The following SKAP2 variants were observed in gnomAD, a reference collection of about 807,000 sequenced individuals.
The protein encoded by SKAP2 is src kinase associated phosphoprotein 2.
In SKAP2, 28 loss-of-function variants were observed where a neutral mutation model predicts 54.9. The observed-to-expected ratio is 0.51, with a 90% CI of 0.38 to 0.70. SKAP2 has a LOEUF of 0.70. Ranked by LOEUF, SKAP2 falls within the 30% of genes least tolerant of loss-of-function variation. The pLI, the probability that SKAP2 is intolerant of heterozygous loss-of-function variation, is 0.00. For synonymous variants in SKAP2, 137 were observed against 134.3 expected (o/e 1.02, Z -0.14); for missense variants, 356 against 424.1 (o/e 0.84, Z 1.41).
At chr7:26,662,932 A>C (rs966758549), downstream of SKAP2, among the ~76,000 whole-genome samples, 2 of 152,054 alleles carry the variant, frequency 1.3e-5, no homozygotes, top group African/African-American at 4.8e-5. Context: ...GAGGAGGAGG[A>C]AAGTGGCGCA....
intron 10 of SKAP2, among the ~76,000 whole-genome samples, chr7:26,687,895 T>C (rs1158121986): frequency 6.6e-6 from 1 of 152,050 alleles, no homozygotes; most frequent in East Asian, 1.9e-4. Flanking sequence ...GGATTAATTT[T>C]CCTATTCTAT....
rs60264987 is a variant in SKAP2 at position 26,740,151 on chromosome 7, TAAAAAA to T, written c.308-193_308-188del. 2.0e-3 allele frequency among the ~76,000 whole-genome samples: 259 copies of T among 129,832 alleles called. 1 individual carries two copies. The highest frequency in any genetic ancestry group is 0.012 in the Middle Eastern group (3 of 256). 85.2% of individuals were successfully genotyped at this position (129,832 alleles called of 152,430 possible). On this transcript the variant is annotated intron_variant, in intron 4 of 12. Coordinates refer to ENST00000345317, the MANE Select transcript of SKAP2 (RefSeq NM_003930.5). ...CTATTCCTCCTAAAAGTCTCAAAAGTAAAAAAAAAAAAAAAAAAAAAAAAGTTCTGT... is the reference window on the plus strand; with the variant it reads ...CTATTCCTCCTAAAAGTCTCAAAAGTAAAAAAAAAAAAAAAAAAGTTCTGT...
At chr7:26,793,527 A>G (rs1326341893) in intron 4 of SKAP2, among the ~76,000 whole-genome samples, 2 of 152,194 alleles carry the variant, frequency 1.3e-5, no homozygotes. Context: ...ATTTTTTTCT[A>G]TTAAACAATA....
In SKAP2 at chr7:26,779,521, A is replaced by C. The variant is rs1783381656; in HGVS notation, c.308-39557T>G. 8.5e-5 allele frequency among the ~76,000 whole-genome samples: 13 copies of C among 152,202 alleles called. 1 individual carries two copies. The South Asian group carries it at 2.7e-3, about 31-fold the overall frequency. On this transcript the variant is annotated intron_variant, in intron 4 of 12. Transcript: ENST00000345317. ...TAAGACAGAAATGGAATACATTTTA[A>C]TCTTTCCCTAATCTCAAAATTGACA...
At chr7:26,715,830 T>C (rs1228715048) in intron 9 of SKAP2, among the ~76,000 whole-genome samples, 1 of 152,202 alleles carries the variant, frequency 6.6e-6, no homozygotes, top group Non-Finnish European at 1.5e-5. Flanking sequence ...CAAGTTGTTA[T>C]TTGTACTAAT....
At chr7:26,861,789 A>G (rs965294703) in intron 1 of SKAP2, among the ~76,000 whole-genome samples, 33 of 152,084 alleles carry the variant, frequency 2.2e-4, no homozygotes, top group African/African-American at 7.2e-4. Flanking sequence ...ATCCCTTTTA[A>G]GCAGGTGAAA....
chr7:26,657,200 G>T, the SKAP2 span, among the ~76,000 whole-genome samples: 1 of 152,174 alleles, frequency 6.6e-6, no homozygotes, highest in Admixed American at 6.5e-5. Flanking sequence ...GTGACTTGTT[G>T]TATCAGCTAT....
intron 6 of SKAP2, among the ~76,000 whole-genome samples, chr7:26,734,782 G>A (rs980270105): frequency 1.3e-5 from 2 of 152,084 alleles, no homozygotes; most frequent in African/African-American, 2.4e-5. Flanking sequence ...TTTTTATAGA[G>A]ACATATCCCA....
intron 4 of SKAP2, among the ~76,000 whole-genome samples, chr7:26,747,462 C>T (rs1782582493): frequency 1.3e-5 from 2 of 152,024 alleles, no homozygotes; most frequent in Non-Finnish European, 2.9e-5. Flanking sequence ...TAATCTCCTC[C>T]CTCCTCTGTA....
chr7:26,747,479 C>T (rs955569745), intron 4 of SKAP2, among the ~76,000 whole-genome samples: 13 of 151,974 alleles, frequency 8.6e-5, no homozygotes, highest in African/African-American at 2.9e-4. Flanking sequence ...TGTAAAGTGG[C>T]CATTTTGAAG....
At chr7:26,673,071 C>G (rs1046780644) in intron 11 of SKAP2, among the ~76,000 whole-genome samples, 5 of 151,994 alleles carry the variant, frequency 3.3e-5, no homozygotes, top group Non-Finnish European at 5.9e-5. Context: ...TATAAAGTCA[C>G]AAGTGGATCA....
rs892969983 is a variant in SKAP2, at chr7:26,864,512, T to A, written c.-83A>T. 6.6e-7 allele frequency: 1 copy of A among 1,509,526 alleles called. No individual in the cohort carries two copies. Among genetic ancestry groups the A allele is most frequent in the Middle Eastern group, 2.3e-4 (1 of 4,410 alleles). The allele number at this position is 1,509,526 out of a possible 1,614,324, so 93.5% of individuals were successfully genotyped here. A position where few individuals can be genotyped will look rare whatever the true frequency, so the allele number is the denominator to read the frequency against. On this transcript the variant is annotated 5_prime_UTR_variant, in exon 1 of 13. Coordinates refer to ENST00000345317, the MANE Select transcript of SKAP2 (RefSeq NM_003930.5). ...GTGGGGCTGCGGCTGCGACCTAGAC[T>A]CAGGCTAGCGGCCCGGATTAAGAAC...
chr7:26,846,922 A>G (rs1199491449), intron 3 of SKAP2, among the ~76,000 whole-genome samples: 1 of 152,164 alleles, frequency 6.6e-6, no homozygotes, highest in African/African-American at 2.4e-5. Context: ...GCGGTGAGCC[A>G]AGATCATGCC....
At chr7:26,829,355 G>T (rs1784557754) in intron 4 of SKAP2, among the ~76,000 whole-genome samples, 1 of 152,048 alleles carries the variant, frequency 6.6e-6, no homozygotes. Context: ...CAACAAAAGT[G>T]AAACCCTGTC....
At chr7:26,790,024 A>C (rs1783641532) in intron 4 of SKAP2, among the ~76,000 whole-genome samples, 1 of 152,168 alleles carries the variant, frequency 6.6e-6, no homozygotes, top group South Asian at 2.1e-4. Context: ...ACAAGACTGC[A>C]TGCCTACCAG....
At chr7:26,828,977 T>C (rs1352139564) in intron 4 of SKAP2, among the ~76,000 whole-genome samples, 1 of 148,958 alleles carries the variant, frequency 6.7e-6, no homozygotes, top group East Asian at 2.0e-4. Context: ...TGCGGTGAGC[T>C]AAGATCGCGC....
At chr7:26,682,729 T>G (rs1334781735) in intron 11 of SKAP2, among the ~76,000 whole-genome samples, 1 of 152,222 alleles carries the variant, frequency 6.6e-6, no homozygotes, top group African/African-American at 2.4e-5. Flanking sequence ...GATGGAAGTA[T>G]GTGCTTCCCA....
At chr7:26,712,713 T>C (rs1032101712) in intron 9 of SKAP2, among the ~76,000 whole-genome samples, 1 of 152,230 alleles carries the variant, frequency 6.6e-6, no homozygotes. Context: ...GGAAAGTACC[T>C]GGCATATGCT....
chr7:26,753,938 AATTACTAACACTCCC>A lies in SKAP2; in HGVS notation c.308-13989_308-13975del, dbSNP rs1782735940. ...ATCCCACCTTAATATCTACTTTCAC[AATTACTAACACTCCC>A]ATTCAGTTCTAAACTTTATAACCAC... On this transcript the variant is annotated intron_variant, in intron 4 of 12. Transcript: ENST00000345317. Among the ~76,000 whole-genome samples the A allele has an allele frequency of 3.9e-5, 6 of 152,312 alleles. No individual in the cohort carries two copies. The South Asian group carries it at 1.2e-3, about 32-fold the overall frequency.
Sources: allele counts gnomAD v4.1 joint callset (sites outside exome capture counted in the v4.1 genomes callset), GRCh38; gene constraint gnomAD v4.1.1; transcripts MANE v1.5; gene names NCBI Gene and HGNC (gene_info 2026-07-23, HGNC 2026-07-21).